The following QTGAL variants were observed in gnomAD, a reference collection of about 807,000 sequenced individuals.
The protein encoded by QTGAL is queuosine-tRNA galactosyltransferase, also known as BGnT-like protein 1.
the QTGAL span, among the ~76,000 whole-genome samples, chr17:83,044,391 A>T: frequency 6.6e-6 from 1 of 152,194 alleles, no homozygotes; most frequent in African/African-American, 2.4e-5. Context: ...AAACTATATG[A>T]TCATCTCAAA....
At chr17:83,028,868 C>G in the QTGAL span, among the ~76,000 whole-genome samples, 1 of 152,326 alleles carries the variant, frequency 6.6e-6, no homozygotes, top group African/African-American at 2.4e-5. Flanking sequence ...TCGAAACAAT[C>G]TCGGTGCAGT....
chr17:83,036,827 A>G, the QTGAL span, among the ~76,000 whole-genome samples: 1 of 152,128 alleles, frequency 6.6e-6, no homozygotes, highest in Non-Finnish European at 1.5e-5. Context: ...TGGGAACTGC[A>G]TGTTGGGCTA....
At chr17:83,032,884 C>A in the QTGAL span, among the ~76,000 whole-genome samples, 1 of 152,216 alleles carries the variant, frequency 6.6e-6, no homozygotes, top group East Asian at 1.9e-4. Context: ...ACCCCGTCTG[C>A]ACACGGGCAC....
chr17:83,000,970 T>C, the QTGAL span, among the ~76,000 whole-genome samples: 2 of 152,132 alleles, frequency 1.3e-5, no homozygotes, highest in South Asian at 4.1e-4. Flanking sequence ...GGCTCCGGGA[T>C]GGACAGGAGG....
the QTGAL span, among the ~76,000 whole-genome samples, chr17:83,012,934 A>T: frequency 6.6e-3 from 999 of 150,468 alleles, 12 homozygotes; most frequent in African/African-American, 0.024. Context: ...GTCCCACCCG[A>T]CAAGCAGACA....
the QTGAL span, among the ~76,000 whole-genome samples, chr17:83,000,761 G>C: frequency 6.6e-5 from 10 of 152,160 alleles, no homozygotes; most frequent in Non-Finnish European, 1.3e-4. Flanking sequence ...GTGTACGTAG[G>C]CTGTGCAGTT....
At chr17:82,995,754 T>C in the QTGAL span, among the ~76,000 whole-genome samples, 1 of 152,182 alleles carries the variant, frequency 6.6e-6, no homozygotes, top group South Asian at 2.1e-4. Context: ...TCATTTACAA[T>C]AGCTACAAAT....
At chr17:83,014,250 C>T in the QTGAL span, among the ~76,000 whole-genome samples, 1 of 152,158 alleles carries the variant, frequency 6.6e-6, no homozygotes, top group Non-Finnish European at 1.5e-5. Flanking sequence ...ACGAAAATAA[C>T]AGGAGAAAAA....
the QTGAL span, among the ~76,000 whole-genome samples, chr17:83,015,780 C>T: frequency 2.0e-5 from 3 of 152,286 alleles, no homozygotes; most frequent in South Asian, 2.1e-4. The surrounding 1 kb of genome is among the most constrained non-coding windows in gnomAD (Gnocchi z 4.4). Context: ...ACTGCACACG[C>T]GAGGAATCCA....
At chr17:83,010,058 G>A in the QTGAL span, among the ~76,000 whole-genome samples, 1 of 123,220 alleles carries the variant, frequency 8.1e-6, no homozygotes, top group Non-Finnish European at 1.7e-5. Context: ...GGCTGGGGGG[G>A]CTGTGGGGGC....
chr17:83,013,349 A>T, the QTGAL span, among the ~76,000 whole-genome samples: 2 of 93,874 alleles, frequency 2.1e-5, no homozygotes, highest in East Asian at 7.2e-4. Flanking sequence ...CACCCCCAGC[A>T]CCGCCCACCC....
the QTGAL span, among the ~76,000 whole-genome samples, chr17:82,974,868 C>A: frequency 6.6e-6 from 1 of 152,212 alleles, no homozygotes; most frequent in African/African-American, 2.4e-5. Flanking sequence ...GGGGCTGGGA[C>A]AGAGCCCGAC....
chr17:82,944,032 C>G, the QTGAL span: 2 of 152,170 alleles, frequency 1.3e-5, no homozygotes, highest in Non-Finnish European at 2.9e-5. Flanking sequence ...CACAAAGCTC[C>G]TGCTGGCCTG....
chr17:82,964,031 G>GGA, the QTGAL span, among the ~76,000 whole-genome samples: 1 of 100,300 alleles, frequency 1.0e-5, no homozygotes, highest in African/African-American at 2.8e-5. Flanking sequence ...CTGAGGTCGG[G>GGA]GGGGTGGATT....
At chr17:83,029,736 G>T in the QTGAL span, among the ~76,000 whole-genome samples, 71,427 of 151,914 alleles carry the variant, frequency 0.47, 17,388 homozygotes, top group East Asian at 0.66. Context: ...TCCACCCAAC[G>T]TATCACCAGA....
the QTGAL span, among the ~76,000 whole-genome samples, chr17:83,041,006 C>T: frequency 6.7e-6 from 1 of 148,320 alleles, no homozygotes; most frequent in Non-Finnish European, 1.5e-5. Flanking sequence ...GCAGAGCTTG[C>T]AGTGAGCCAA....
the QTGAL span, among the ~76,000 whole-genome samples, chr17:82,999,378 G>A: frequency 6.6e-6 from 1 of 152,316 alleles, no homozygotes; most frequent in East Asian, 1.9e-4. Flanking sequence ...CTACAGCTAA[G>A]TGGGTAAACA....
At chr17:83,048,978 T>A in the QTGAL span, 1 of 565,566 alleles carries the variant, frequency 1.8e-6, no homozygotes, top group Non-Finnish European at 3.1e-6. Flanking sequence ...CTTCTACATG[T>A]TTTTGAAAGT....
At chr17:82,986,895 G>C in the QTGAL span, among the ~76,000 whole-genome samples, 8 of 152,344 alleles carry the variant, frequency 5.3e-5, no homozygotes, top group South Asian at 1.7e-3. Context: ...GGGGTGCAGA[G>C]CACCTTTCTC....
Sources: gnomAD v4.1 joint callset for allele counts (sites outside exome capture counted in the v4.1 genomes callset) on GRCh38, gnomAD v4.1.1 for gene constraint, Gnocchi (gnomAD v3.1) non-coding constraint, MANE v1.5 for transcripts, NCBI Gene and HGNC (gene_info 2026-07-23, HGNC 2026-07-21) for gene names.